Variants in SNAPC3 observed in about 807,000 individuals in gnomAD.
SNAPC3 encodes the protein snRNA-activating protein complex subunit 3.
A neutral mutation model predicts 47.7 loss-of-function variants in SNAPC3; 56 were observed. That is an observed-to-expected ratio of 1.18 (90% CI 0.95 to 1.47). The LOEUF (loss-of-function observed/expected upper bound fraction) is 1.47. SNAPC3 is among the 40% of genes most tolerant of loss of function. The pLI is 0.00. For missense variants in SNAPC3, 665 were observed against 511.3 expected, an observed-to-expected ratio of 1.30 and a Z score of -2.90; for synonymous variants, 235 against 189.9, an observed-to-expected ratio of 1.24 and a Z score of -1.95.
At chr9:15,466,540 TC>T (rs2035639280), downstream of SNAPC3, among the ~76,000 whole-genome samples, 1 of 152,236 alleles carries the variant, frequency 6.6e-6, no homozygotes, top group African/African-American at 2.4e-5. Context: ...CCCAGCTAGT[TC>T]CATTCCCTTG....
intron 4 of SNAPC3, among the ~76,000 whole-genome samples, chr9:15,446,557 G>C (rs1166005931): frequency 6.6e-6 from 1 of 152,162 alleles, no homozygotes; most frequent in African/African-American, 2.4e-5. Context: ...ACATGGAGAG[G>C]CTATAATGCC....
intron 3 of SNAPC3, among the ~76,000 whole-genome samples, chr9:15,443,006 CAAA>C (rs968221784): frequency 1.3e-5 from 2 of 152,106 alleles, no homozygotes; most frequent in African/African-American, 2.4e-5. Context: ...CCGTCTCCAC[CAAA>C]AAAATATGAA....
chr9:15,461,775 T>C (rs1302333644), downstream of SNAPC3: 4 of 152,194 alleles, frequency 2.6e-5, no homozygotes, highest in Non-Finnish European at 5.9e-5. Flanking sequence ...GTTAAGTCCA[T>C]TGGCTTGGAG....
intron 2 of SNAPC3, among the ~76,000 whole-genome samples, chr9:15,429,241 C>G (rs1206234313): frequency 2.0e-5 from 3 of 152,042 alleles, no homozygotes; most frequent in African/African-American, 7.2e-5. Flanking sequence ...GATTTTATAT[C>G]TAACTGAATG....
chr9:15,455,599 T>C (rs2034719519), intron 7 of SNAPC3, among the ~76,000 whole-genome samples: 1 of 152,124 alleles, frequency 6.6e-6, no homozygotes, highest in Non-Finnish European at 1.5e-5. Flanking sequence ...CTGTTCTGCC[T>C]GCTCTTCCTT....
chr9:15,428,125 A>C (rs987513378), intron 2 of SNAPC3, among the ~76,000 whole-genome samples: 16 of 151,336 alleles, frequency 1.1e-4, no homozygotes, highest in African/African-American at 3.6e-4. Context: ...AAAAAAAAAA[A>C]AAAAAAAACT....
chr9:15,424,012 C>T (rs774170646), intron 2 of SNAPC3, 26 bp downstream of exon 2: 4 of 1,323,810 alleles, frequency 3.0e-6, no homozygotes, highest in South Asian at 1.4e-5. Context: ...TTTTTATGAC[C>T]TATTTATTTA....
At chr9:15,434,545 T>A (rs2032560311) in intron 3 of SNAPC3, among the ~76,000 whole-genome samples, 1 of 152,022 alleles carries the variant, frequency 6.6e-6, no homozygotes, top group East Asian at 1.9e-4. Flanking sequence ...GCAGCTGGGA[T>A]TATAGGTGCC....
In SNAPC3 at chr9:15,447,491, A is replaced by G. The variant is rs1396017555; in HGVS notation, c.732+247A>G. ...TATGGAGACTTTTCCTTCTGGGCTA[A>G]TAGTGACCACCTAATTTTCTTTTTT... On this transcript the variant is annotated intron_variant, in intron 5 of 8. Transcript: ENST00000380821. 2.0e-5 allele frequency among the ~76,000 whole-genome samples: 3 copies of G among 150,296 alleles called. No homozygotes were observed. The East Asian group carries it at 5.9e-4, about 30-fold the overall frequency.
chr9:15,449,563 A>ATATATTT (rs1481688749), intron 5 of SNAPC3, among the ~76,000 whole-genome samples: 1 of 39,510 alleles, frequency 2.5e-5, no homozygotes, highest in African/African-American at 1.1e-4. Flanking sequence ...ATATATATAT[A>ATATATTT]TTTTTTTTTT....
At position 15,445,317 on chromosome 9, in the gene SNAPC3, A is replaced by T. The variant is rs555968353; in HGVS notation, c.582+611A>T. Among the ~76,000 whole-genome samples the T allele has an allele frequency of 3.3e-5, 5 of 152,316 alleles. No homozygotes were observed. The South Asian group carries it at 1.0e-3, about 32-fold the overall frequency. On this transcript the variant is annotated intron_variant, in intron 4 of 8. Transcript: ENST00000380821. Reference sequence around the variant, plus strand: ...ATCCATAATGATTCTAATTCTACTAATTCTTGAGGGATTTTTGCAGAATAG... The same window carrying T: ...ATCCATAATGATTCTAATTCTACTATTTCTTGAGGGATTTTTGCAGAATAG...
chr9:15,436,879 A>G (rs1303726290), intron 3 of SNAPC3, among the ~76,000 whole-genome samples: 2 of 147,642 alleles, frequency 1.4e-5, no homozygotes, highest in South Asian at 2.1e-4. Context: ...GCTGGAGTGC[A>G]ATGGTGCGAT....
intron 3 of SNAPC3, among the ~76,000 whole-genome samples, chr9:15,443,895 CCT>C (rs1267733267): frequency 6.6e-6 from 1 of 152,316 alleles, no homozygotes; most frequent in South Asian, 2.1e-4. Context: ...CAAACACTCC[CCT>C]GATTGTTGTA....
chr9:15,453,757 C>T (rs2034567749), intron 7 of SNAPC3, among the ~76,000 whole-genome samples: 1 of 152,168 alleles, frequency 6.6e-6, no homozygotes, highest in African/African-American at 2.4e-5. Flanking sequence ...TTCATTTCCT[C>T]TTTATTTAGG....
intron 3 of SNAPC3, among the ~76,000 whole-genome samples, chr9:15,437,733 T>A (rs2032964806): frequency 6.6e-6 from 1 of 152,070 alleles, no homozygotes; most frequent in African/African-American, 2.4e-5. Context: ...TCCACTTGGT[T>A]GTGGGATTCA....
chr9:15,435,592 G>T (rs367849484), intron 3 of SNAPC3, among the ~76,000 whole-genome samples: 1 of 151,800 alleles, frequency 6.6e-6, no homozygotes, highest in African/African-American at 2.4e-5. Context: ...TTAGCCGGGC[G>T]TGGTGGCAGG....
chr9:15,442,870 G>T (rs914794142), intron 3 of SNAPC3, among the ~76,000 whole-genome samples: 6 of 152,198 alleles, frequency 3.9e-5, no homozygotes, highest in Admixed American at 3.3e-4. Flanking sequence ...CTGCACTCCA[G>T]CCTGGGCAAC....
intron 3 of SNAPC3, among the ~76,000 whole-genome samples, chr9:15,434,788 T>C (rs576923218): frequency 2.5e-3 from 377 of 152,332 alleles, no homozygotes; most frequent in African/African-American, 8.9e-3. Flanking sequence ...TTTTTATGGC[T>C]GAATACTATC....
intron 7 of SNAPC3, among the ~76,000 whole-genome samples, chr9:15,455,392 T>A (rs1262682521): frequency 6.6e-6 from 1 of 151,816 alleles, no homozygotes; most frequent in Non-Finnish European, 1.5e-5. Flanking sequence ...CATGGTGAAA[T>A]CCTGTCTCTA....
Sources: gnomAD v4.1 joint callset for allele counts (sites outside exome capture counted in the v4.1 genomes callset) on GRCh38, gnomAD v4.1.1 for gene constraint, MANE v1.5 for transcripts, NCBI Gene and HGNC (gene_info 2026-07-23, HGNC 2026-07-21) for gene names.